The following ABHD2 variants were observed in gnomAD, a reference collection of about 807,000 sequenced individuals.
The protein encoded by ABHD2 is abhydrolase domain containing 2, acylglycerol lipase, also known as monoacylglycerol lipase ABHD2.
Under a neutral mutation model 48.1 loss-of-function variants are expected in ABHD2, and 20 were observed. That is an observed-to-expected ratio of 0.42 (90% CI 0.29 to 0.60). The LOEUF is 0.60. Ranked by LOEUF, ABHD2 falls within the 20% of genes least tolerant of loss-of-function variation. The pLI, the probability that ABHD2 is intolerant of heterozygous loss-of-function variation, is 0.24. For synonymous variants in ABHD2, 209 were observed against 214.2 expected, an observed-to-expected ratio of 0.98 and a Z score of 0.21; for missense variants, 405 against 550.9, an observed-to-expected ratio of 0.74 and a Z score of 2.65.
chr15:89,111,362 G>C (rs901029323), intron 1 of ABHD2, among the ~76,000 whole-genome samples: 1 of 152,208 alleles, frequency 6.6e-6, no homozygotes, highest in Non-Finnish European at 1.5e-5. Context: ...AAATTGCCAA[G>C]TAAAACAGTC....
chr15:89,068,841 T>C, the ABHD2 span, among the ~76,000 whole-genome samples: 1 of 138,774 alleles, frequency 7.2e-6, no homozygotes, highest in Non-Finnish European at 1.5e-5. Context: ...AGATCTTAGC[T>C]CACTGCAACC....
chr15:89,138,254 G>T (rs2050346499), intron 3 of ABHD2, among the ~76,000 whole-genome samples: 1 of 152,252 alleles, frequency 6.6e-6, no homozygotes, highest in African/African-American at 2.4e-5. Context: ...GCACACACAG[G>T]AAGGCCTGGA....
At chr15:89,142,561 C>G (rs887842847) in intron 3 of ABHD2, among the ~76,000 whole-genome samples, 3 of 152,184 alleles carry the variant, frequency 2.0e-5, no homozygotes, top group African/African-American at 7.2e-5. Flanking sequence ...AGCACGGTAA[C>G]TATTTCCTCT....
the ABHD2 span, among the ~76,000 whole-genome samples, chr15:89,051,004 G>T: frequency 1.9e-3 from 291 of 152,208 alleles, 9 homozygotes; most frequent in Admixed American, 0.018. Flanking sequence ...AGGCCCAGGT[G>T]GTTGGATCAC....
the ABHD2 span, among the ~76,000 whole-genome samples, chr15:89,061,118 A>C: frequency 6.6e-6 from 1 of 151,946 alleles, no homozygotes; most frequent in African/African-American, 2.4e-5. Context: ...GGAAGGATTG[A>C]AAAACTACCT....
In ABHD2 at chr15:89,200,244, A is replaced by C. The variant is rs1290545031; in HGVS notation, c.*4821A>C. 3 of 152,270 alleles carry C rather than the reference A, an allele frequency of 2.0e-5. No individual in the cohort carries two copies. The allele number at this position is 152,270 out of a possible 1,614,324, so 9.4% of individuals were successfully genotyped here. On this transcript the variant is annotated 3_prime_UTR_variant, in exon 11 of 11. Coordinates refer to ENST00000352732, the MANE Select transcript of ABHD2 (RefSeq NM_152924.5). ...GGGGAGGGCAGAAAGATCACACACA[A>C]GGCTGTCACTTCATACTTGCAGGAT...
chr15:89,201,529 T>A lies in ABHD2; in HGVS notation c.*6106T>A. ...AAAAATTGTACCATAAACTTGTGTT[T>A]ACTCTTTTCATTCGGATCATAGTCA... On this transcript the variant is annotated 3_prime_UTR_variant, in exon 11 of 11. Transcript: ENST00000352732. 1.3e-6 allele frequency: 2 copies of A among 1,594,782 alleles called. No homozygotes were observed. The highest frequency in any genetic ancestry group is 1.7e-6 in the Non-Finnish European group (2 of 1,162,570).
rs949242189 is a variant in ABHD2 at position 89,155,990 on chromosome 15, G to A, written c.538+456G>A. On this transcript the variant is annotated intron_variant, in intron 5 of 10. Coordinates refer to ENST00000352732, the MANE Select transcript of ABHD2 (RefSeq NM_152924.5). The surrounding 1 kb of genome is among the most constrained non-coding windows in gnomAD (Gnocchi z 4.9). ...AACTCACTGGATTTTAGGTTCCTGG[G>A]GAACAGGAACTAGATCTCGTCTTTC... Among the ~76,000 whole-genome samples the A allele has an allele frequency of 3.3e-5, 5 of 152,160 alleles. No individual in the cohort carries two copies. Among genetic ancestry groups the A allele is most frequent in the African/African-American group, 9.7e-5 (4 of 41,444 alleles).
chr15:89,132,625 G>A (rs2050238344), intron 3 of ABHD2, among the ~76,000 whole-genome samples: 2 of 152,180 alleles, frequency 1.3e-5, no homozygotes, highest in African/African-American at 4.8e-5. Flanking sequence ...AAATTGATAT[G>A]AAATTAAGAG....
At chr15:89,133,670 G>A (rs2050255161) in intron 3 of ABHD2, among the ~76,000 whole-genome samples, 1 of 151,966 alleles carries the variant, frequency 6.6e-6, no homozygotes, top group African/African-American at 2.4e-5. Flanking sequence ...CCTGTTGGTG[G>A]CCTCTAACCA....
chr15:89,042,276 A>C, the ABHD2 span, among the ~76,000 whole-genome samples: 1 of 152,182 alleles, frequency 6.6e-6, no homozygotes, highest in Non-Finnish European at 1.5e-5. Context: ...ACTCAGTGAC[A>C]CTATTGAGGA....
chr15:89,161,196 CT>C (rs2050757121), intron 5 of ABHD2, among the ~76,000 whole-genome samples: 2 of 152,080 alleles, frequency 1.3e-5, no homozygotes, highest in African/African-American at 4.8e-5. Flanking sequence ...GGTTTTACTC[CT>C]TGTTCCCTCA....
At chr15:89,180,579 G>C (rs963258607) in intron 6 of ABHD2, among the ~76,000 whole-genome samples, 3 of 152,316 alleles carry the variant, frequency 2.0e-5, no homozygotes, top group Admixed American at 6.5e-5. Context: ...GATTGACTCT[G>C]CCCCTGAAGG....
At chr15:89,144,571 A>C (rs2050461842) in intron 3 of ABHD2, among the ~76,000 whole-genome samples, 1 of 152,262 alleles carries the variant, frequency 6.6e-6, no homozygotes, top group Non-Finnish European at 1.5e-5. Flanking sequence ...CATTATGCTA[A>C]GTGAAAAATC....
At chr15:89,083,323 T>C (rs1901309972), upstream of ABHD2, among the ~76,000 whole-genome samples, 1 of 152,228 alleles carries the variant, frequency 6.6e-6, no homozygotes, top group African/African-American at 2.4e-5. This position sits in a 1 kb window ranked among gnomAD's most constrained non-coding sequence, Gnocchi z 5.1. Context: ...TTGCAATTAA[T>C]AGTATGAAAA....
the ABHD2 span, among the ~76,000 whole-genome samples, chr15:89,060,781 C>G: frequency 6.6e-6 from 1 of 152,056 alleles, no homozygotes; most frequent in Non-Finnish European, 1.5e-5. Context: ...TCTCACTACC[C>G]AGAAGCAAAC....
chr15:89,050,855 TG>T, the ABHD2 span, among the ~76,000 whole-genome samples: 1 of 152,092 alleles, frequency 6.6e-6, no homozygotes, highest in South Asian at 2.1e-4. Context: ...GCATGCAGGC[TG>T]GGGATTTAAA....
In ABHD2 at chr15:89,201,866, G is replaced by T. The variant is rs2051469466; in HGVS notation, c.*6443G>T. On this transcript the variant is annotated 3_prime_UTR_variant, in exon 11 of 11. Transcript: ENST00000352732. ...GGGGGCGGGGGACGATGGCGAGAGG[G>T]GAGGGGGAGCGAGTTCGCATCTCTC... 1.3e-6 allele frequency: 1 copy of T among 782,964 alleles called. No individual in the cohort carries two copies. Among genetic ancestry groups the T allele is most frequent in the Admixed American group, 2.2e-5 (1 of 45,212 alleles). The allele number at this position is 782,964 out of a possible 1,614,324, so 48.5% of individuals were successfully genotyped here. A position where few individuals can be genotyped will look rare whatever the true frequency, so the allele number is the denominator to read the frequency against.
intron 3 of ABHD2, among the ~76,000 whole-genome samples, chr15:89,124,727 G>T (rs1415011044): frequency 6.6e-6 from 1 of 152,108 alleles, no homozygotes; most frequent in African/African-American, 2.4e-5. Context: ...GCTGAGGTGG[G>T]TGGATCACGA....
Sources: gnomAD v4.1 joint callset for allele counts (sites outside exome capture counted in the v4.1 genomes callset) on GRCh38, gnomAD v4.1.1 for gene constraint, Gnocchi (gnomAD v3.1) non-coding constraint, MANE v1.5 for transcripts, NCBI Gene and HGNC (gene_info 2026-07-23, HGNC 2026-07-21) for gene names.